The following FLT3 variants were observed in gnomAD, a reference collection of about 807,000 sequenced individuals.
FLT3 encodes fms related receptor tyrosine kinase 3, also known as receptor-type tyrosine-protein kinase FLT3.
Under a neutral mutation model 126.6 loss-of-function variants are expected in FLT3, and 46 were observed. The observed-to-expected ratio is 0.36, with a 90% CI of 0.29 to 0.46. The LOEUF is 0.46. Ranked by LOEUF, FLT3 falls within the 20% of genes least tolerant of loss-of-function variation. FLT3 has a pLI of 1.00. For synonymous variants in FLT3, 404 were observed against 434.4 expected (o/e 0.93, Z 0.87); for missense variants, 1,069 against 1,190.3 (o/e 0.90, Z 1.50).
At chr13:28,092,360 A>T (rs1419919354) in intron 1 of FLT3, among the ~76,000 whole-genome samples, 2 of 151,678 alleles carry the variant, frequency 1.3e-5, no homozygotes, top group Non-Finnish European at 2.9e-5. Context: ...GCAATTGCCA[A>T]CCCTTATATT....
chr13:28,077,070 GAAAA>G lies in FLT3; in HGVS notation c.44-6462_44-6459del, dbSNP rs1370428188. 3.8e-3 allele frequency among the ~76,000 whole-genome samples: 507 copies of G among 133,794 alleles called. 8 individuals are homozygous for G. Among genetic ancestry groups the G allele is most frequent in the Non-Finnish European group, 5.4e-3 (335 of 62,070 alleles). 87.8% of individuals were successfully genotyped at this position (133,794 alleles called of 152,430 possible). A position where few individuals can be genotyped will look rare whatever the true frequency, so the allele number is the denominator to read the frequency against. The stretch of plus-strand genomic sequence containing the variant: ...GGAAGGAAGGAAGGGAAAGAAGAAA[GAAAA>G]GAAAGAAAGAAAGAAAAAGAGAAAA... On this transcript the variant is annotated intron_variant, in intron 1 of 23. Transcript: ENST00000241453.
chr13:28,076,039 TG>T (rs1368589211), intron 1 of FLT3, among the ~76,000 whole-genome samples: 3 of 152,112 alleles, frequency 2.0e-5, no homozygotes, highest in Non-Finnish European at 4.4e-5. Context: ...TCAAGTGATC[TG>T]TCCGCCTCGG....
chr13:28,057,856 A>G (rs984403671), intron 3 of FLT3, among the ~76,000 whole-genome samples: 1 of 152,134 alleles, frequency 6.6e-6, no homozygotes, highest in Non-Finnish European at 1.5e-5. Context: ...CCTGGCCAAC[A>G]TGGTGAAACC....
intron 2 of FLT3, among the ~76,000 whole-genome samples, chr13:28,062,382 T>C (rs1187828611): frequency 6.6e-6 from 1 of 152,150 alleles, no homozygotes; most frequent in Admixed American, 6.6e-5. Context: ...GAGATGGTCT[T>C]TACAGTGGTA....
chr13:28,078,679 G>T (rs1878118649), intron 1 of FLT3, among the ~76,000 whole-genome samples: 1 of 151,628 alleles, frequency 6.6e-6, no homozygotes, highest in Admixed American at 6.6e-5. Flanking sequence ...TTCTGCAGCA[G>T]CTAGAATTTC....
rs753540050 is a variant in FLT3 at position 28,036,057 on chromosome 13, C to A, written c.1310-14G>T. On this transcript the variant is annotated splice_polypyrimidine_tract_variant and intron_variant, in intron 10 of 23. Coordinates refer to ENST00000241453, the MANE Select transcript of FLT3 (RefSeq NM_004119.3). The stretch of plus-strand genomic sequence containing the variant: ...CTTGAGGTTTCCCTATAGAAAAGAA[C>A]GTGTGAAATAAGCTCACTGGCTGGG... 16 of 1,606,902 alleles carry A rather than the reference C, an allele frequency of 1.0e-5. No individual in the cohort carries two copies. The highest frequency in any genetic ancestry group is 1.4e-5 in the Non-Finnish European group (16 of 1,173,490).
intron 9 of FLT3, 45 bp from the exon 10 acceptor site, chr13:28,037,333 G>A: frequency 1.7e-6 from 2 of 1,147,400 alleles, no homozygotes; most frequent in Non-Finnish European, 1.3e-6. Context: ...AATTGCTACA[G>A]GAGATGCTGC....
intron 15 of FLT3, among the ~76,000 whole-genome samples, chr13:28,030,674 C>A (rs1280670523): frequency 6.6e-6 from 1 of 150,850 alleles, no homozygotes; most frequent in East Asian, 1.9e-4. Context: ...AAGAAAGGCC[C>A]GGGCAAAATA....
At chr13:28,033,254 T>C (rs1873514155) in intron 15 of FLT3, among the ~76,000 whole-genome samples, 1 of 151,866 alleles carries the variant, frequency 6.6e-6, no homozygotes, top group African/African-American at 2.4e-5. Context: ...TGAGCTATGA[T>C]CACAGCACTC....
chr13:28,018,658 A>C, intron 19 of FLT3, 69 bp from the exon 20 acceptor site: 2 of 1,549,628 alleles, frequency 1.3e-6, no homozygotes, highest in Non-Finnish European at 1.8e-6. Flanking sequence ...TCTTTCTTCT[A>C]GACTCAACTT....
At chr13:28,061,789 C>G in intron 3 of FLT3, 78 bp downstream of exon 3, 1 of 1,191,860 alleles carries the variant, frequency 8.4e-7, no homozygotes, top group Non-Finnish European at 1.2e-6. Context: ...AAAAGGTTTA[C>G]AATAAACATG....
At chr13:28,091,002 T>C (rs936769720) in intron 1 of FLT3, among the ~76,000 whole-genome samples, 3 of 151,870 alleles carry the variant, frequency 2.0e-5, no homozygotes, top group African/African-American at 4.8e-5. Context: ...AAAACAAAAG[T>C]TGACATTAAT....
intron 17 of FLT3, chr13:28,025,376 CT>C: frequency 4.4e-6 from 2 of 453,720 alleles, no homozygotes; most frequent in South Asian, 3.2e-5. Flanking sequence ...CACCATCCTT[CT>C]TTTTTCCAGT....
chr13:28,067,625 T>C (rs966604686), intron 2 of FLT3: 1 of 152,572 alleles, frequency 6.6e-6, no homozygotes, highest in Non-Finnish European at 1.5e-5. Flanking sequence ...ACAACTTTTG[T>C]AATAACACTG....
intron 6 of FLT3, 25 bp downstream of exon 6, chr13:28,050,070 A>T (rs1391434124): frequency 1.2e-6 from 2 of 1,608,980 alleles, no homozygotes. Flanking sequence ...ACTGAAAATG[A>T]AAGTGCATGA....
chr13:28,011,333 AGAGGGGAGGGGAGGG>A (rs1156720597), intron 23 of FLT3, among the ~76,000 whole-genome samples: 9 of 84,802 alleles, frequency 1.1e-4, no homozygotes, highest in Admixed American at 8.2e-4. Context: ...AGAGGAGAGG[AGAGGGGAGGGGAGGG>A]GAGGGGAGGG....
intron 9 of FLT3, among the ~76,000 whole-genome samples, chr13:28,038,690 T>C (rs1185745140): frequency 1.3e-5 from 2 of 152,080 alleles, no homozygotes; most frequent in Non-Finnish European, 2.9e-5. Flanking sequence ...CCTGACCTTG[T>C]GATCTGCCTG....
At chr13:28,051,390 C>T (rs909666330) in intron 5 of FLT3, among the ~76,000 whole-genome samples, 3 of 151,538 alleles carry the variant, frequency 2.0e-5, no homozygotes, top group Non-Finnish European at 4.4e-5. Flanking sequence ...ATGCCCACCA[C>T]CACACCTGGC....
At position 28,036,011 on chromosome 13, in the gene FLT3, T is replaced by C; in HGVS notation, c.1342A>G (p.Ser448Gly). ...CCATCCGAGAAACAGGACGCCTGAC[T>C]TGCCGATGCTTCTGCGAGCACTTGA... ...KPQVLAEASA[S>G]QASCFSDGYP... Residue 448 changes from serine (S) to glycine (G), a missense_variant, in exon 11 of 24, where the codon AGT becomes GGT. By Grantham distance (56) the Ser-to-Gly change is moderately conservative. Transcript: ENST00000241453. 1.9e-6 allele frequency: 3 copies of C among 1,614,152 alleles called. No homozygotes were observed. The highest frequency in any genetic ancestry group is 8.5e-7 in the Non-Finnish European group (1 of 1,180,014).
Sources: allele counts gnomAD v4.1 joint callset (sites outside exome capture counted in the v4.1 genomes callset), GRCh38; gene constraint gnomAD v4.1.1; transcripts MANE v1.5; gene names NCBI Gene and HGNC (gene_info 2026-07-23, HGNC 2026-07-21).